Variants in MAGI1 observed in about 807,000 individuals in gnomAD.
MAGI1 encodes the protein membrane associated guanylate kinase, WW and PDZ domain containing 1.
In MAGI1, 58 loss-of-function variants were observed where a neutral mutation model predicts 139.9. That is an observed-to-expected ratio of 0.41 (90% CI 0.34 to 0.52). The LOEUF is 0.52. Among genes scored for constraint, MAGI1 ranks in the 20% least tolerant of loss-of-function variants. MAGI1 has a pLI of 0.12. For missense variants in MAGI1, 1,874 were observed against 1,901.6 expected (o/e 0.99, Z 0.27); for synonymous variants, 812 against 737.9 (o/e 1.10, Z -1.63).
intron 1 of MAGI1, among the ~76,000 whole-genome samples, chr3:65,823,308 C>G (rs1471339195): frequency 6.6e-6 from 1 of 152,158 alleles, no homozygotes; most frequent in Non-Finnish European, 1.5e-5. Context: ...TCTACTCTTT[C>G]TATGGTCCAT....
chr3:65,919,585 A>G (rs551540514), intron 1 of MAGI1, among the ~76,000 whole-genome samples: 196 of 129,574 alleles, frequency 1.5e-3, no homozygotes, highest in Middle Eastern at 0.013. Context: ...AAGAAAAAAC[A>G]AACAAACAAA....
intron 1 of MAGI1, among the ~76,000 whole-genome samples, chr3:65,806,107 GAAATTTTTTAAAAATTAA>G (rs1442960547): frequency 1.3e-5 from 2 of 151,936 alleles, no homozygotes; most frequent in East Asian, 3.9e-4. Context: ...AAAATATAAA[GAAATTTTTTAAAAATTAA>G]AAATTTTTTT....
intron 2 of MAGI1, among the ~76,000 whole-genome samples, chr3:65,554,853 A>G (rs1390826692): frequency 6.6e-6 from 1 of 152,244 alleles, no homozygotes; most frequent in East Asian, 1.9e-4. Flanking sequence ...AACTGTCTCC[A>G]TTGGAGACAT....
At chr3:65,484,430 C>A (rs13081976) in intron 3 of MAGI1, among the ~76,000 whole-genome samples, 1 of 151,970 alleles carries the variant, frequency 6.6e-6, no homozygotes. Context: ...GCATTTTCAA[C>A]GGGGCAATAT....
chr3:65,636,892 T>C (rs1415652318), intron 1 of MAGI1, among the ~76,000 whole-genome samples: 1 of 152,162 alleles, frequency 6.6e-6, no homozygotes, highest in Non-Finnish European at 1.5e-5. Context: ...ACAAAAAACT[T>C]CAGACCCAGC....
chr3:65,963,535 GA>G (rs1178508575), intron 1 of MAGI1, among the ~76,000 whole-genome samples: 4 of 152,244 alleles, frequency 2.6e-5, no homozygotes, highest in Admixed American at 2.6e-4. Context: ...AGAATCACTT[GA>G]ACCCAGAAGG....
At chr3:65,552,234 GGCTCA>G (rs1342731239) in intron 2 of MAGI1, among the ~76,000 whole-genome samples, 2 of 149,332 alleles carry the variant, frequency 1.3e-5, no homozygotes, top group Non-Finnish European at 3.0e-5. Flanking sequence ...CAGGTAATAG[GGCTCA>G]GCTCAGGAGT....
chr3:65,946,146 A>G (rs2106891709), intron 1 of MAGI1, among the ~76,000 whole-genome samples: 1 of 152,310 alleles, frequency 6.6e-6, no homozygotes, highest in South Asian at 2.1e-4. Flanking sequence ...TATCTGTCCA[A>G]GTGAGGTCCT....
intron 2 of MAGI1, among the ~76,000 whole-genome samples, chr3:65,530,746 TATATATACACGTATATATATATATATAC>T (rs1559642736): frequency 2.1e-4 from 17 of 79,554 alleles, no homozygotes; most frequent in African/African-American, 6.2e-4. Context: ...TATATGCACA[TATATATACACGTATATATATATATATAC>T]ACACATATAT....
intron 1 of MAGI1, among the ~76,000 whole-genome samples, chr3:65,898,043 A>T (rs559240615): frequency 3.5e-4 from 54 of 152,324 alleles, no homozygotes; most frequent in African/African-American, 9.9e-4. Context: ...TTAACTCAAG[A>T]TACAGCCATA....
At chr3:65,530,778 CAT>C (rs1241082949) in intron 2 of MAGI1, among the ~76,000 whole-genome samples, 14 of 70,136 alleles carry the variant, frequency 2.0e-4, no homozygotes, top group African/African-American at 3.7e-4. Flanking sequence ...TATATACACA[CAT>C]ATATATACAC....
intron 1 of MAGI1, among the ~76,000 whole-genome samples, chr3:65,955,702 T>C (rs1306944999): frequency 6.6e-6 from 1 of 152,186 alleles, no homozygotes; most frequent in Non-Finnish European, 1.5e-5. Flanking sequence ...TTTTCTTTAC[T>C]TCACTTTTTC....
intron 1 of MAGI1, among the ~76,000 whole-genome samples, chr3:65,946,530 A>G (rs1184734144): frequency 6.6e-6 from 1 of 152,124 alleles, no homozygotes; most frequent in African/African-American, 2.4e-5. Context: ...AATGACTTTC[A>G]GCATGGACGA....
intron 1 of MAGI1, among the ~76,000 whole-genome samples, chr3:65,792,329 G>A (rs1226899124): frequency 6.6e-6 from 1 of 152,020 alleles, no homozygotes; most frequent in Non-Finnish European, 1.5e-5. Context: ...GCCGGGTGTG[G>A]TGGTACACAC....
intron 12 of MAGI1, among the ~76,000 whole-genome samples, chr3:65,405,122 GA>G (rs1945231116): frequency 6.6e-6 from 1 of 152,188 alleles, no homozygotes; most frequent in Non-Finnish European, 1.5e-5. Flanking sequence ...AGGGATCCCA[GA>G]AAACTATTCC....
intron 2 of MAGI1, among the ~76,000 whole-genome samples, chr3:65,506,320 T>C (rs1164185232): frequency 1.3e-5 from 2 of 152,182 alleles, no homozygotes; most frequent in South Asian, 2.1e-4. Context: ...GCATTAACCA[T>C]GACAACAACA....
rs1348832628 is a variant in MAGI1, at chr3:65,379,397, ACTGCCGATGCCGCTGGTG to A, written c.2841_2858del (p.Thr948_Ser953del). ...CCACGCCGCTGCCCCCGCCGCCGCCACTGCCGATGCCGCTGGTGCTGCCGCTGCCCGAGCTCACCGTGT... is the reference window on the plus strand; with the variant it reads ...CCACGCCGCTGCCCCCGCCGCCGCCACTGCCGCTGCCCGAGCTCACCGTGT... On this transcript the variant is annotated inframe_deletion, in exon 17 of 23. Transcript: ENST00000402939. The A allele has an allele frequency of 1.2e-6, 2 of 1,612,750 alleles. No individual in the cohort carries two copies. Among genetic ancestry groups the A allele is most frequent in the Non-Finnish European group, 1.7e-6 (2 of 1,179,280 alleles).
At chr3:65,712,504 T>C (rs1295493938) in intron 1 of MAGI1, among the ~76,000 whole-genome samples, 1 of 151,300 alleles carries the variant, frequency 6.6e-6, no homozygotes, top group African/African-American at 2.4e-5. Flanking sequence ...GTGTTTTGTT[T>C]TTGTTTTTGT....
At chr3:65,748,273 A>G (rs1207470244) in intron 1 of MAGI1, among the ~76,000 whole-genome samples, 1 of 152,220 alleles carries the variant, frequency 6.6e-6, no homozygotes, top group East Asian at 1.9e-4. Context: ...AGAGTTGCTG[A>G]GAACAGTGAC....
Sources: gnomAD v4.1 joint callset for allele counts (sites outside exome capture counted in the v4.1 genomes callset) on GRCh38, gnomAD v4.1.1 for gene constraint, MANE v1.5 for transcripts, NCBI Gene and HGNC (gene_info 2026-07-23, HGNC 2026-07-21) for gene names.